Variants in PPFIA2 observed in about 807,000 individuals in gnomAD.
PPFIA2 encodes PPFI scaffold protein A2.
PPFIA2 carries 46 observed loss-of-function variants against 175.5 expected under a neutral mutation model. That is an observed-to-expected ratio of 0.26 (90% confidence interval 0.21 to 0.34). The LOEUF (loss-of-function observed/expected upper bound fraction) is 0.34, where lower values mean the gene tolerates loss of function less well. Ranked by LOEUF, PPFIA2 falls within the 10% of genes least tolerant of loss-of-function variation. The probability of loss-of-function intolerance (pLI) is 1.00; values close to 1 mark genes in which losing one functional copy is unlikely to be tolerated. For missense variants in PPFIA2, 1,179 were observed against 1,506.1 expected (o/e 0.78, Z 3.60); for synonymous variants, 568 against 511.4 (o/e 1.11, Z -1.49).
chr12:81,479,619 G>C (rs2057948305), intron 4 of PPFIA2, among the ~76,000 whole-genome samples: 1 of 152,112 alleles, frequency 6.6e-6, no homozygotes, highest in Admixed American at 6.5e-5. Context: ...AGGCAGGCCT[G>C]GTGGTGACAA....
intron 7 of PPFIA2, among the ~76,000 whole-genome samples, chr12:81,413,856 C>A (rs1167689028): frequency 2.6e-5 from 4 of 151,670 alleles, no homozygotes; most frequent in Non-Finnish European, 5.9e-5. Flanking sequence ...ATTTAGTATT[C>A]ACTTCATTTT....
At chr12:81,518,728 T>C (rs1486650770) in intron 4 of PPFIA2, among the ~76,000 whole-genome samples, 1 of 152,214 alleles carries the variant, frequency 6.6e-6, no homozygotes, top group Non-Finnish European at 1.5e-5. Context: ...AATAGTTGCC[T>C]CTTTTCCTAC....
chr12:81,676,816 G>T lies in PPFIA2; in HGVS notation c.278C>A (p.Ala93Asp). Residue 93 changes from alanine (A) to aspartate (D), a missense_variant, in exon 4 of 33, where the codon GCT becomes GAT. By Grantham distance (126) the Ala-to-Asp change is moderately radical. This residue lies in a region of PPFIA2 where 128 missense variants were observed against 141.4 expected (regional missense o/e 0.91). Coordinates refer to ENST00000549396, the MANE Select transcript of PPFIA2 (RefSeq NM_003625.5). ...QDIESLTGGLAGSKGADPPEF... is the reference protein window; with the variant it reads ...QDIESLTGGLDGSKGADPPEF... The stretch of plus-strand genomic sequence containing the variant: ...CGGTGGATCAGCCCCCTTAGAACCA[G>T]CCAGCCCTCCTGTTAGGGATTCGAT... The T allele has an allele frequency of 1.3e-6, 2 of 1,564,380 alleles. No homozygotes were observed. The highest frequency in any genetic ancestry group is 1.7e-6 in the Non-Finnish European group (2 of 1,156,144).
chr12:81,742,445 G>C (rs2082438008), intron 3 of PPFIA2, among the ~76,000 whole-genome samples: 1 of 152,182 alleles, frequency 6.6e-6, no homozygotes, highest in Admixed American at 6.5e-5. Flanking sequence ...GAAACACTGA[G>C]AGACTGCTGC....
chr12:81,638,688 T>C lies in PPFIA2; in HGVS notation c.303+38103A>G, dbSNP rs969259881. Among the ~76,000 whole-genome samples, 838 of 125,956 alleles carry C rather than the reference T, an allele frequency of 6.7e-3. 7 individuals carry two copies. Among genetic ancestry groups the C allele is most frequent in the African/African-American group, 0.025 (779 of 31,498 alleles). 82.6% of individuals were successfully genotyped at this position (125,956 alleles called of 152,430 possible). A position where few individuals can be genotyped will look rare whatever the true frequency, so the allele number is the denominator to read the frequency against. ...TTGTTTTGTCATAAATTTTCTTTTT[T>C]TTTTTTTTTTTTTTTTTGAGACGGA... On this transcript the variant is annotated intron_variant, in intron 4 of 32. Transcript: ENST00000549396.
In PPFIA2 at chr12:81,283,046, T is replaced by C; in HGVS notation, c.2989-7A>G. 6.2e-7 allele frequency: 1 copy of C among 1,611,778 alleles called. No individual in the cohort carries two copies. Among genetic ancestry groups the C allele is most frequent in the Non-Finnish European group, 8.5e-7 (1 of 1,178,472 alleles). Reference sequence around the variant, plus strand: ...TTCCTTCCTCAGATTCTTTCTGTGTTAGCAGCAGGAAATGATTAATAAAGC... The same window carrying C: ...TTCCTTCCTCAGATTCTTTCTGTGTCAGCAGCAGGAAATGATTAATAAAGC... On this transcript the variant is annotated splice_region_variant and splice_polypyrimidine_tract_variant and intron_variant, in intron 25 of 32. Coordinates refer to ENST00000549396, the MANE Select transcript of PPFIA2 (RefSeq NM_003625.5).
At chr12:81,549,874 T>A (rs1241397874) in intron 4 of PPFIA2, among the ~76,000 whole-genome samples, 6 of 151,924 alleles carry the variant, frequency 3.9e-5, no homozygotes, top group Non-Finnish European at 8.8e-5. Flanking sequence ...CCAATTAACA[T>A]ATTATATGAA....
chr12:81,746,117 A>T (rs149297423), intron 3 of PPFIA2, among the ~76,000 whole-genome samples: 1 of 144,782 alleles, frequency 6.9e-6, no homozygotes, highest in African/African-American at 2.4e-5. Context: ...CAACAGAGAG[A>T]GAGGGAAACA....
intron 23 of PPFIA2, among the ~76,000 whole-genome samples, chr12:81,296,447 A>T (rs2046455420): frequency 6.6e-6 from 1 of 152,248 alleles, no homozygotes; most frequent in African/African-American, 2.4e-5. Flanking sequence ...GGTGAATGCC[A>T]ATCACGGGCA....
chr12:81,441,948 T>G (rs766536138), intron 6 of PPFIA2, among the ~76,000 whole-genome samples: 4 of 152,096 alleles, frequency 2.6e-5, no homozygotes, highest in Admixed American at 6.6e-5. Flanking sequence ...CACATTAAAA[T>G]CTTTCTAAAA....
chr12:81,267,728 ATT>A (rs137975780), intron 29 of PPFIA2, among the ~76,000 whole-genome samples, 182 bp downstream of exon 29: 20,021 of 76,836 alleles, frequency 0.26, 1,254 homozygotes, highest in Middle Eastern at 0.4. Flanking sequence ...TAATTGTATG[ATT>A]TTTTTTTTTT....
chr12:81,341,334 G>A (rs2058031991), intron 19 of PPFIA2, 126 bp from the exon 20 acceptor site: 13 of 850,230 alleles, frequency 1.5e-5, no homozygotes, highest in Non-Finnish European at 1.9e-5. Context: ...ACAAAACTTG[G>A]GGCATTTAAG....
chr12:81,319,090 T>C (rs1470312979), intron 22 of PPFIA2, among the ~76,000 whole-genome samples: 3 of 151,728 alleles, frequency 2.0e-5, no homozygotes, highest in Admixed American at 2.0e-4. Flanking sequence ...TTTTACTCTT[T>C]CCAGATCAAA....
rs190109487 is a variant in PPFIA2, at chr12:81,638,976, C to A, written c.303+37815G>T. On this transcript the variant is annotated intron_variant, in intron 4 of 32. Transcript: ENST00000549396. ...TGCTGGGATTACAGGCGTGAGCCAC[C>A]GCGCCCGGCCTGTTTTGTCATAAAT... Among the ~76,000 whole-genome samples, 14 of 152,074 alleles carry A rather than the reference C, an allele frequency of 9.2e-5. No individual in the cohort carries two copies. In the East Asian group the frequency reaches 2.3e-3, roughly 25 times the overall value.
At chr12:81,557,194 TAC>T (rs10581154) in intron 4 of PPFIA2, among the ~76,000 whole-genome samples, 37,744 of 148,926 alleles carry the variant, frequency 0.25, 4,760 homozygotes, top group Middle Eastern at 0.32. Context: ...ATCTTATATC[TAC>T]ACACACACAC....
chr12:81,521,345 T>C (rs1296164257), intron 4 of PPFIA2, among the ~76,000 whole-genome samples: 1 of 152,160 alleles, frequency 6.6e-6, no homozygotes. Flanking sequence ...GACGTATTTA[T>C]CATCTAATTG....
chr12:81,702,592 G>T (rs1001146965), intron 3 of PPFIA2, among the ~76,000 whole-genome samples: 1 of 152,120 alleles, frequency 6.6e-6, no homozygotes, highest in Admixed American at 6.5e-5. Flanking sequence ...CCACTGAAAG[G>T]ATTTTGGCAG....
chr12:81,510,779 G>GA (rs1003908048), intron 4 of PPFIA2, among the ~76,000 whole-genome samples: 1 of 151,722 alleles, frequency 6.6e-6, no homozygotes, highest in African/African-American at 2.4e-5. Flanking sequence ...CATCATAAAA[G>GA]AAAAAAATCT....
intron 28 of PPFIA2, chr12:81,270,969 A>T (rs1009856722): frequency 6.6e-6 from 1 of 152,240 alleles, no homozygotes; most frequent in Admixed American, 6.5e-5. Context: ...TTCCTGCCTT[A>T]AAGTTTATAT....
Sources: gnomAD v4.1 joint callset for allele counts (sites outside exome capture counted in the v4.1 genomes callset) on GRCh38, gnomAD v4.1.1 for gene constraint, gnomAD v4.1.1 regional missense constraint, MANE v1.5 for transcripts, NCBI Gene and HGNC (gene_info 2026-07-23, HGNC 2026-07-21) for gene names.